The following ZDHHC21 variants were observed in gnomAD, a reference collection of about 807,000 sequenced individuals.
ZDHHC21 encodes zDHHC palmitoyltransferase 21.
A neutral mutation model predicts 34.6 loss-of-function variants in ZDHHC21; 15 were observed. That is an observed-to-expected ratio of 0.43 (90% confidence interval 0.29 to 0.67). The LOEUF is 0.67. ZDHHC21 is among the 30% of genes least tolerant of loss of function. The pLI is 0.14. For missense variants in ZDHHC21, 344 were observed against 327.7 expected (o/e 1.05, Z -0.38); for synonymous variants, 142 against 101.8 (o/e 1.40, Z -2.38).
At chr9:14,645,259 G>A (rs1467964625) in intron 7 of ZDHHC21, among the ~76,000 whole-genome samples, 1 of 151,940 alleles carries the variant, frequency 6.6e-6, no homozygotes, top group Non-Finnish European at 1.5e-5. Flanking sequence ...CACAAGGAGA[G>A]ACAAATAGAT....
intron 3 of ZDHHC21, among the ~76,000 whole-genome samples, chr9:14,675,309 G>A (rs1203505032): frequency 6.6e-6 from 1 of 151,750 alleles, no homozygotes; most frequent in African/African-American, 2.4e-5. Flanking sequence ...AAGTCTAGGG[G>A]GTACCTTTTA....
intron 8 of ZDHHC21, among the ~76,000 whole-genome samples, chr9:14,623,727 T>C (rs139378331): frequency 6.7e-6 from 1 of 149,428 alleles, no homozygotes; most frequent in East Asian, 2.0e-4. Context: ...CCAACAGGTA[T>C]ATGAAGAAAT....
At chr9:14,607,515 A>T (rs1179055466), downstream of ZDHHC21, among the ~76,000 whole-genome samples, 1 of 152,058 alleles carries the variant, frequency 6.6e-6, no homozygotes, top group Admixed American at 6.5e-5. Flanking sequence ...AATGATGCAC[A>T]CCAAATTATG....
chr9:14,664,495 C>A (rs1256663267), intron 5 of ZDHHC21, among the ~76,000 whole-genome samples: 4 of 151,838 alleles, frequency 2.6e-5, no homozygotes, highest in Non-Finnish European at 5.9e-5. Context: ...CTCGAACTGG[C>A]TGGAGCCCAC....
chr9:14,685,588 A>G (rs1371295647), intron 2 of ZDHHC21, among the ~76,000 whole-genome samples: 5 of 152,218 alleles, frequency 3.3e-5, no homozygotes, highest in Non-Finnish European at 7.3e-5. Flanking sequence ...AAACAGGAAC[A>G]CTTTTACACT....
chr9:14,655,807 C>G lies in ZDHHC21; in HGVS notation c.504+2942G>C, dbSNP rs1030323516. ...AGTCAAATAATAAATAGGAAAATGA[C>G]AAAATACCAGTTATACTAAGTAAAT... is the stretch of plus-strand genomic sequence containing the variant. On this transcript the variant is annotated intron_variant, in intron 7 of 9. Transcript: ENST00000380916. Among the ~76,000 whole-genome samples, 36 of 151,148 alleles carry G rather than the reference C, an allele frequency of 2.4e-4. 1 individual carries two copies. Among genetic ancestry groups the G allele is most frequent in the African/African-American group, 8.0e-4 (33 of 41,300 alleles).
intron 8 of ZDHHC21, among the ~76,000 whole-genome samples, chr9:14,629,204 G>C (rs1389611658): frequency 6.6e-6 from 1 of 152,162 alleles, no homozygotes; most frequent in African/African-American, 2.4e-5. Flanking sequence ...GCTCTGAGAG[G>C]TTACTACACA....
At chr9:14,591,665 A>G in the ZDHHC21 span, among the ~76,000 whole-genome samples, 6 of 152,204 alleles carry the variant, frequency 3.9e-5, no homozygotes, top group Non-Finnish European at 7.4e-5. Flanking sequence ...ATTGAGACAT[A>G]ACATCAGTCT....
intron 2 of ZDHHC21, among the ~76,000 whole-genome samples, chr9:14,682,855 A>T (rs1490574524): frequency 6.6e-6 from 1 of 152,246 alleles, no homozygotes; most frequent in Non-Finnish European, 1.5e-5. Flanking sequence ...CCACAGTGCA[A>T]TCAAATTAGA....
chr9:14,645,990 T>C (rs1377505320), intron 7 of ZDHHC21, among the ~76,000 whole-genome samples: 2 of 152,148 alleles, frequency 1.3e-5, no homozygotes, highest in Non-Finnish European at 2.9e-5. Flanking sequence ...TTTGGAAAAC[T>C]GTTTAACACT....
chr9:14,656,842 G>T (rs1366390283), intron 7 of ZDHHC21, among the ~76,000 whole-genome samples: 1 of 151,682 alleles, frequency 6.6e-6, no homozygotes, highest in Non-Finnish European at 1.5e-5. Flanking sequence ...ATCTACAATT[G>T]ATGGCTCTAA....
intron 7 of ZDHHC21, among the ~76,000 whole-genome samples, chr9:14,657,210 C>T (rs970766278): frequency 2.0e-5 from 3 of 151,984 alleles, no homozygotes; most frequent in South Asian, 2.1e-4. Flanking sequence ...TACTGTAAAA[C>T]GGTCTCTAAA....
the ZDHHC21 span, among the ~76,000 whole-genome samples, chr9:14,603,691 G>T: frequency 1.3e-5 from 2 of 152,052 alleles, no homozygotes; most frequent in Non-Finnish European, 2.9e-5. Context: ...ATCTCAACAG[G>T]CAATACTTAT....
intron 5 of ZDHHC21, among the ~76,000 whole-genome samples, chr9:14,672,116 A>T (rs571802199): frequency 5.1e-4 from 78 of 152,258 alleles, no homozygotes; most frequent in African/African-American, 1.9e-3. Flanking sequence ...GTTTTAAAAA[A>T]GCAGAAACGC....
intron 6 of ZDHHC21, among the ~76,000 whole-genome samples, chr9:14,661,410 T>C (rs370499897): frequency 6.4e-4 from 97 of 152,360 alleles, no homozygotes; most frequent in African/African-American, 2.1e-3. Context: ...CATATATGCA[T>C]GTATGTGTAT....
chr9:14,690,009 A>C (rs1300456472), intron 2 of ZDHHC21, among the ~76,000 whole-genome samples: 2 of 152,202 alleles, frequency 1.3e-5, no homozygotes, highest in Admixed American at 1.3e-4. Flanking sequence ...TAGGAGTGGG[A>C]AAAGGGACTG....
intron 8 of ZDHHC21, 37 bp downstream of exon 8, chr9:14,639,859 A>G (rs1165968581): frequency 2.4e-6 from 3 of 1,231,312 alleles, no homozygotes; most frequent in Non-Finnish European, 3.4e-6. Context: ...TAGGTAATAT[A>G]TTCATAAATG....
chr9:14,611,607 T>A lies in ZDHHC21; in HGVS notation c.*7359A>T, dbSNP rs528653093. 2.6e-5 allele frequency: 4 copies of A among 152,156 alleles called. No homozygotes were observed. The highest frequency in any genetic ancestry group is 9.6e-5 in the African/African-American group (4 of 41,544). The allele number at this position is 152,156 out of a possible 1,614,324, so 9.4% of individuals were successfully genotyped here. A position where few individuals can be genotyped will look rare whatever the true frequency, so the allele number is the denominator to read the frequency against. On this transcript the variant is annotated 3_prime_UTR_variant, in exon 10 of 10. Coordinates refer to ENST00000380916, the MANE Select transcript of ZDHHC21 (RefSeq NM_178566.6). ...ACCACTATTAAAAGCATTTTAGGGA[T>A]ATAATACTAGACAGAACTTGGGGTT...
intron 2 of ZDHHC21, among the ~76,000 whole-genome samples, chr9:14,681,995 G>C (rs1028308627): frequency 4.6e-5 from 7 of 152,096 alleles, no homozygotes; most frequent in Non-Finnish European, 1.0e-4. Flanking sequence ...AATGCTGAGA[G>C]ATTTGGTCAC....
Sources: gnomAD v4.1 joint callset for allele counts (sites outside exome capture counted in the v4.1 genomes callset) on GRCh38, gnomAD v4.1.1 for gene constraint, MANE v1.5 for transcripts, NCBI Gene and HGNC (gene_info 2026-07-23, HGNC 2026-07-21) for gene names.